The following RAP1GDS1 variants were observed in gnomAD, a reference collection of about 807,000 sequenced individuals.
RAP1GDS1 encodes Rap1 GTPase-GDP dissociation stimulator 1.
RAP1GDS1 carries 35 observed loss-of-function variants against 71.1 expected under a neutral mutation model. That is an observed-to-expected ratio of 0.49 (90% CI 0.38 to 0.65). RAP1GDS1 has a LOEUF of 0.65. Ranked by LOEUF, RAP1GDS1 falls within the 30% of genes least tolerant of loss-of-function variation. The pLI, the probability that RAP1GDS1 is intolerant of heterozygous loss-of-function variation, is 0.00. For missense variants in RAP1GDS1, 663 were observed against 706.1 expected, an observed-to-expected ratio of 0.94 and a Z score of 0.69; for synonymous variants, 229 against 243.1, an observed-to-expected ratio of 0.94 and a Z score of 0.54.
chr4:98,413,617 CATT>C (rs1747442155), intron 7 of RAP1GDS1, among the ~76,000 whole-genome samples: 1 of 151,426 alleles, frequency 6.6e-6, no homozygotes, highest in South Asian at 2.1e-4. Flanking sequence ...TCCAGTCTAT[CATT>C]GTTGGACATT....
intron 4 of RAP1GDS1, among the ~76,000 whole-genome samples, chr4:98,354,985 T>A (rs1351890027): frequency 1.3e-5 from 2 of 152,210 alleles, no homozygotes; most frequent in African/African-American, 4.8e-5. Flanking sequence ...CTTACCCTTT[T>A]ATTCAAAATT....
At chr4:98,295,747 T>C (rs1265114086) in intron 2 of RAP1GDS1, among the ~76,000 whole-genome samples, 1 of 152,102 alleles carries the variant, frequency 6.6e-6, no homozygotes, top group Non-Finnish European at 1.5e-5. Context: ...GTGTTTTAAA[T>C]TTTTGTTTTT....
intron 12 of RAP1GDS1, among the ~76,000 whole-genome samples, chr4:98,428,956 G>A (rs749158397): frequency 9.9e-5 from 15 of 152,094 alleles, no homozygotes; most frequent in African/African-American, 2.9e-4. Flanking sequence ...ATCAGTTAAC[G>A]AGTGAATAAA....
intron 6 of RAP1GDS1, among the ~76,000 whole-genome samples, chr4:98,400,539 A>AAAAAC (rs1553997213): frequency 7.9e-5 from 12 of 151,292 alleles, no homozygotes; most frequent in African/African-American, 2.7e-4. Flanking sequence ...AAAAAAAAAA[A>AAAAAC]AAAAAAAACG....
chr4:98,342,386 AAAT>A (rs1409611249), intron 2 of RAP1GDS1, among the ~76,000 whole-genome samples: 3 of 152,160 alleles, frequency 2.0e-5, no homozygotes, highest in Non-Finnish European at 4.4e-5. Context: ...CATTGTTCAC[AAAT>A]AATAATTTTA....
At chr4:98,268,662 C>T (rs1430921618) in intron 1 of RAP1GDS1, among the ~76,000 whole-genome samples, 2 of 151,980 alleles carry the variant, frequency 1.3e-5, no homozygotes, top group African/African-American at 2.4e-5. Flanking sequence ...AGAAGCATTT[C>T]TATACACTAA....
chr4:98,417,910 G>A (rs1438231215), intron 9 of RAP1GDS1, among the ~76,000 whole-genome samples: 6 of 152,022 alleles, frequency 3.9e-5, no homozygotes, highest in East Asian at 1.9e-4. Flanking sequence ...CCCTGGCATC[G>A]TGTAGAATGT....
chr4:98,421,849 C>T (rs980630181), intron 12 of RAP1GDS1, among the ~76,000 whole-genome samples: 7 of 152,110 alleles, frequency 4.6e-5, no homozygotes, highest in Non-Finnish European at 1.0e-4. Flanking sequence ...GTACCCAGGC[C>T]AGCAGTTCAG....
chr4:98,424,254 T>A (rs1252928051), intron 12 of RAP1GDS1, among the ~76,000 whole-genome samples: 3 of 152,138 alleles, frequency 2.0e-5, no homozygotes, highest in Admixed American at 6.5e-5. Context: ...GTCATTACCC[T>A]TAATCTTTTT....
At chr4:98,417,299 T>A in intron 8 of RAP1GDS1, 68 bp from the exon 9 acceptor site, 1 of 1,492,670 alleles carries the variant, frequency 6.7e-7, no homozygotes, top group Non-Finnish European at 9.2e-7. Flanking sequence ...GATATTCACC[T>A]AAGAATGTGA....
rs181461928 is a variant in RAP1GDS1 at position 98,370,113 on chromosome 4, C to T, written c.362-8904C>T. 2.8e-4 allele frequency among the ~76,000 whole-genome samples: 42 copies of T among 152,230 alleles called. No individual in the cohort carries two copies. In the East Asian group the frequency reaches 5.2e-3, roughly 19 times the overall value. Reference sequence around the variant, plus strand: ...ACACTTCCCTCTTTTTCCCCTCACCCAAGTAAAACTGTGAATTATCTGTCT... The same window carrying T: ...ACACTTCCCTCTTTTTCCCCTCACCTAAGTAAAACTGTGAATTATCTGTCT... On this transcript the variant is annotated intron_variant, in intron 4 of 14. Coordinates refer to ENST00000408927, the MANE Select transcript of RAP1GDS1 (RefSeq NM_001100427.2).
intron 13 of RAP1GDS1, among the ~76,000 whole-genome samples, chr4:98,435,405 T>G (rs1750995257): frequency 6.6e-6 from 1 of 152,166 alleles, no homozygotes; most frequent in African/African-American, 2.4e-5. Flanking sequence ...ATATACTATA[T>G]TCTTATAATA....
At chr4:98,371,539 C>T (rs1740387470) in intron 4 of RAP1GDS1, among the ~76,000 whole-genome samples, 2 of 151,964 alleles carry the variant, frequency 1.3e-5, no homozygotes, top group African/African-American at 2.4e-5. Flanking sequence ...TGCAGTGGTG[C>T]GATCTTGGCT....
At chr4:98,418,470 GA>G (rs1444081377) in intron 9 of RAP1GDS1, among the ~76,000 whole-genome samples, 186 bp from the exon 10 acceptor site, 3 of 152,022 alleles carry the variant, frequency 2.0e-5, no homozygotes, top group African/African-American at 7.2e-5. Context: ...TCTAGTTTAA[GA>G]ATTTTTTTTA....
At chr4:98,419,891 A>G in intron 10 of RAP1GDS1, 128 bp from the exon 11 acceptor site, 1 of 1,017,144 alleles carries the variant, frequency 9.8e-7, no homozygotes, top group Non-Finnish European at 1.4e-6. Flanking sequence ...CAAAAAAGTG[A>G]CAAGATTGTT....
chr4:98,443,710 G>A lies in RAP1GDS1; in HGVS notation c.*1593G>A, dbSNP rs555028310. 4.7e-4 allele frequency: 94 copies of A among 198,486 alleles called. No homozygotes were observed. The South Asian group carries it at 0.017, about 36-fold the overall frequency. 12.3% of individuals were successfully genotyped at this position (198,486 alleles called of 1,614,324 possible). The stretch of plus-strand genomic sequence containing the variant: ...CAAATAAGGGAACTATTGTGAGTAC[G>A]TATGCTACACTTACTATAAGAATGA... On this transcript the variant is annotated 3_prime_UTR_variant, in exon 15 of 15. Coordinates refer to ENST00000408927, the MANE Select transcript of RAP1GDS1 (RefSeq NM_001100427.2).
At chr4:98,347,255 GTACTTTA>G (rs917652142) in intron 3 of RAP1GDS1, among the ~76,000 whole-genome samples, 1 of 152,182 alleles carries the variant, frequency 6.6e-6, no homozygotes, top group African/African-American at 2.4e-5. Context: ...ATCACAGCCT[GTACTTTA>G]TGATGCTGCT....
rs57798751 is a variant in RAP1GDS1 at position 98,337,660 on chromosome 4, G to C, written c.113-5479G>C. ...TATGGAAGTCAGATAACATTAAAAAGATTGAATAGCTTTCAGTCAGGTACC... is the reference window on the plus strand; with the variant it reads ...TATGGAAGTCAGATAACATTAAAAACATTGAATAGCTTTCAGTCAGGTACC... On this transcript the variant is annotated intron_variant, in intron 2 of 14. Coordinates refer to ENST00000408927, the MANE Select transcript of RAP1GDS1 (RefSeq NM_001100427.2). Among the ~76,000 whole-genome samples, 1,519 of 152,288 alleles carry C rather than the reference G, an allele frequency of 1.0e-2. 20 individuals are homozygous for C. Among genetic ancestry groups the C allele is most frequent in the African/African-American group, 0.033 (1,357 of 41,564 alleles).
intron 1 of RAP1GDS1, among the ~76,000 whole-genome samples, chr4:98,264,345 G>A (rs1294543033): frequency 4.6e-5 from 7 of 152,012 alleles, no homozygotes; most frequent in African/African-American, 1.4e-4. Context: ...GCAGTGAGCC[G>A]AGATCATGCC....
Sources: gnomAD v4.1 joint callset for allele counts (sites outside exome capture counted in the v4.1 genomes callset) on GRCh38, gnomAD v4.1.1 for gene constraint, MANE v1.5 for transcripts, NCBI Gene and HGNC (gene_info 2026-07-23, HGNC 2026-07-21) for gene names.